Variants in PCNP observed in about 807,000 individuals in gnomAD.
The protein encoded by PCNP is PEST proteolytic signal-containing nuclear protein.
Under a neutral mutation model 21.8 loss-of-function variants are expected in PCNP, and 6 were observed. The ratio of observed to expected loss-of-function variants is 0.28; its 90% CI spans 0.15 to 0.54. The LOEUF (loss-of-function observed/expected upper bound fraction) is 0.54, where lower values mean the gene tolerates loss of function less well. Ranked by LOEUF, PCNP falls within the 20% of genes least tolerant of loss-of-function variation. PCNP has a pLI of 0.95. For missense variants in PCNP, 161 were observed against 215.5 expected, an observed-to-expected ratio of 0.75 and a Z score of 1.58; for synonymous variants, 67 against 73.2, an observed-to-expected ratio of 0.92 and a Z score of 0.43.
chr3:101,576,827 C>CAT (rs1344607312), intron 1 of PCNP: 2 of 1,609,904 alleles, frequency 1.2e-6, no homozygotes, highest in African/African-American at 2.7e-5. Flanking sequence ...ACCACATGAG[C>CAT]ATATCTTCGG....
intron 4 of PCNP, among the ~76,000 whole-genome samples, chr3:101,591,910 C>T (rs1320498353): frequency 6.6e-6 from 1 of 151,072 alleles, no homozygotes; most frequent in Non-Finnish European, 1.5e-5. Flanking sequence ...CAGCTGGAGC[C>T]ACAGGCGCAC....
At position 101,587,299 on chromosome 3, in the gene PCNP, C is replaced by T. The variant is rs372970332; in HGVS notation, c.354+1788C>T. On this transcript the variant is annotated intron_variant, in intron 3 of 4. Coordinates refer to ENST00000265260, the MANE Select transcript of PCNP (RefSeq NM_020357.3). ...TAAGCCTAGCTATCAATTTTCAGGT[C>T]ACAAGCAGTAAATACTGAGTAGCTG... Among the ~76,000 whole-genome samples, 14 of 151,664 alleles carry T rather than the reference C, an allele frequency of 9.2e-5. 1 individual carries two copies. The highest frequency in any genetic ancestry group is 3.4e-4 in the African/African-American group (14 of 41,340).
intron 4 of PCNP, among the ~76,000 whole-genome samples, chr3:101,591,396 G>A (rs1378567888): frequency 6.6e-6 from 1 of 152,114 alleles, no homozygotes; most frequent in Non-Finnish European, 1.5e-5. Flanking sequence ...TTAACTACCA[G>A]TATGATAATG....
intron 2 of PCNP, among the ~76,000 whole-genome samples, chr3:101,583,961 G>A (rs1197989760): frequency 6.6e-6 from 1 of 151,712 alleles, no homozygotes; most frequent in Admixed American, 6.6e-5. Context: ...CCTGTGCCCG[G>A]CTAGGTGATG....
intron 1 of PCNP, chr3:101,576,466 A>G (rs1458482771): frequency 2.0e-6 from 3 of 1,482,242 alleles, no homozygotes; most frequent in African/African-American, 2.8e-5. Flanking sequence ...TAAACTATTT[A>G]TTAACAGACA....
chr3:101,584,072 G>A (rs1330209579), intron 2 of PCNP, among the ~76,000 whole-genome samples: 1 of 152,176 alleles, frequency 6.6e-6, no homozygotes, highest in Non-Finnish European at 1.5e-5. Context: ...TTACTTAATA[G>A]GTGTCTAATC....
intron 3 of PCNP, among the ~76,000 whole-genome samples, chr3:101,586,545 C>CGTGTGTGT (rs377617517): frequency 0.13 from 13,321 of 99,788 alleles, 1,214 homozygotes; most frequent in South Asian, 0.22. Context: ...GGCGTATATT[C>CGTGTGTGT]GTGTGTGTGT....
chr3:101,587,065 A>G (rs1051562190), intron 3 of PCNP, among the ~76,000 whole-genome samples: 1 of 152,044 alleles, frequency 6.6e-6, no homozygotes, highest in Non-Finnish European at 1.5e-5. Flanking sequence ...ACCAGCCTCA[A>G]CATGGAGAAA....
intron 1 of PCNP, chr3:101,576,663 A>C: frequency 6.2e-7 from 1 of 1,612,034 alleles, no homozygotes; most frequent in South Asian, 1.1e-5. Flanking sequence ...GGACCTGGCT[A>C]TATTTTCCAT....
chr3:101,577,920 T>A (rs1268929128), intron 1 of PCNP, among the ~76,000 whole-genome samples: 12 of 152,244 alleles, frequency 7.9e-5, no homozygotes, highest in Non-Finnish European at 1.5e-5. Context: ...TAGTACCATG[T>A]GTATTTTGAT....
At position 101,577,058 on chromosome 3, in the gene PCNP, C is replaced by G. The variant is rs987284644; in HGVS notation, c.65-2732C>G. The G allele has an allele frequency of 2.6e-5, 18 of 690,874 alleles. 1 individual carries two copies. Among genetic ancestry groups the G allele is most frequent in the Non-Finnish European group, 4.5e-5 (17 of 381,982 alleles). 42.8% of individuals were successfully genotyped at this position (690,874 alleles called of 1,614,324 possible). On this transcript the variant is annotated intron_variant, in intron 1 of 4. Transcript: ENST00000265260. ...GCTAGAATGGTCTCAATCTCTTGAC[C>G]TCGTGATCCGCCCGCCTCGGCCTCC...
chr3:101,574,618 G>A (rs1934757993), intron 1 of PCNP, among the ~76,000 whole-genome samples: 1 of 152,204 alleles, frequency 6.6e-6, no homozygotes, highest in South Asian at 2.1e-4. Flanking sequence ...CCACACCGGA[G>A]ACGCACATCA....
At chr3:101,584,446 T>A (rs1935386424) in intron 2 of PCNP, among the ~76,000 whole-genome samples, 1 of 152,186 alleles carries the variant, frequency 6.6e-6, no homozygotes, top group African/African-American at 2.4e-5. Context: ...CCTGGGTATC[T>A]ATATCTTCTA....
intron 2 of PCNP, among the ~76,000 whole-genome samples, chr3:101,583,333 A>C (rs946626441): frequency 3.3e-5 from 5 of 152,184 alleles, no homozygotes; most frequent in African/African-American, 1.2e-4. Context: ...ACACACCTGC[A>C]ATCCCAGTTA....
intron 3 of PCNP, among the ~76,000 whole-genome samples, chr3:101,587,080 G>A (rs1219740163): frequency 1.8e-4 from 27 of 151,810 alleles, no homozygotes; most frequent in Non-Finnish European, 3.2e-4. Context: ...GAGAAACCCC[G>A]TCTCTACTAA....
chr3:101,590,629 C>T (rs530875593), intron 4 of PCNP, among the ~76,000 whole-genome samples: 4 of 152,084 alleles, frequency 2.6e-5, no homozygotes, highest in South Asian at 4.2e-4. Context: ...ACTGCAGCCT[C>T]GATCTCCCAC....
At chr3:101,580,354 C>G (rs1317748709) in intron 2 of PCNP, among the ~76,000 whole-genome samples, 1 of 151,772 alleles carries the variant, frequency 6.6e-6, no homozygotes, top group African/African-American at 2.4e-5. Context: ...CCAGTTGAGC[C>G]CAGGAATTTC....
chr3:101,583,250 G>A (rs1935324899), intron 2 of PCNP, among the ~76,000 whole-genome samples: 1 of 152,172 alleles, frequency 6.6e-6, no homozygotes, highest in Non-Finnish European at 1.5e-5. Flanking sequence ...GAAGCCAGGA[G>A]TTCGAGACCA....
intron 3 of PCNP, among the ~76,000 whole-genome samples, chr3:101,587,837 G>A (rs79048836): frequency 6.8e-4 from 104 of 152,236 alleles, no homozygotes; most frequent in African/African-American, 2.3e-3. Flanking sequence ...CAGGGAATAC[G>A]TGCAAAAGTG....
Sources: allele counts gnomAD v4.1 joint callset (sites outside exome capture counted in the v4.1 genomes callset), GRCh38; gene constraint gnomAD v4.1.1; transcripts MANE v1.5; gene names NCBI Gene and HGNC (gene_info 2026-07-23, HGNC 2026-07-21).